Variants in MITF observed in about 807,000 individuals in gnomAD.
MITF encodes microphthalmia-associated transcription factor.
Under a neutral mutation model 60.5 loss-of-function variants are expected in MITF, and 17 were observed. The ratio of observed to expected loss-of-function variants is 0.28; its 90% CI spans 0.19 to 0.42. The LOEUF (loss-of-function observed/expected upper bound fraction) is 0.42. MITF is among the 10% of genes least tolerant of loss of function. The probability of loss-of-function intolerance (pLI) is 1.00; values close to 1 mark genes in which losing one functional copy is unlikely to be tolerated. For synonymous variants in MITF, 260 were observed against 248.5 expected (o/e 1.05, Z -0.43); for missense variants, 622 against 683.5 (o/e 0.91, Z 1.00).
chr3:69,792,108 A>G (rs1458883271), intron 1 of MITF, among the ~76,000 whole-genome samples: 1 of 152,166 alleles, frequency 6.6e-6, no homozygotes, highest in Non-Finnish European at 1.5e-5. Context: ...TTGAAAAGAG[A>G]TATGACTAGT....
chr3:69,967,762 G>C lies in MITF; in HGVS notation c.*2514G>C, dbSNP rs2066725437. 4.3e-6 allele frequency: 1 copy of C among 232,876 alleles called. No individual in the cohort carries two copies. Among genetic ancestry groups the C allele is most frequent in the Non-Finnish European group, 8.5e-6 (1 of 117,900 alleles). The allele number at this position is 232,876 out of a possible 1,614,324, so 14.4% of individuals were successfully genotyped here. A position where few individuals can be genotyped will look rare whatever the true frequency, so the allele number is the denominator to read the frequency against. The stretch of plus-strand genomic sequence containing the variant: ...GAGTGTGGATTCATTTCAGGGGCTA[G>C]CTAAGCCAAGAGGCAGTGGTTTGGG... On this transcript the variant is annotated 3_prime_UTR_variant, in exon 10 of 10. Coordinates refer to ENST00000352241, the MANE Select transcript of MITF (RefSeq NM_001354604.2).
At chr3:69,829,204 A>G (rs1161961463) in intron 1 of MITF, among the ~76,000 whole-genome samples, 1 of 152,166 alleles carries the variant, frequency 6.6e-6, no homozygotes, top group Non-Finnish European at 1.5e-5. Context: ...TATATAGTCT[A>G]TAAAAGTATC....
At chr3:69,853,982 T>G (rs1179792242) in intron 1 of MITF, among the ~76,000 whole-genome samples, 1 of 151,876 alleles carries the variant, frequency 6.6e-6, no homozygotes, top group Non-Finnish European at 1.5e-5. Flanking sequence ...TGCCAGTAGC[T>G]GGGATTACAG....
intron 1 of MITF, among the ~76,000 whole-genome samples, chr3:69,753,090 C>T (rs746310324): frequency 2.0e-5 from 3 of 152,186 alleles, no homozygotes; most frequent in African/African-American, 7.2e-5. Context: ...GGGACTGAGT[C>T]GTTTCCTGGG....
intron 1 of MITF, among the ~76,000 whole-genome samples, chr3:69,854,117 G>A (rs2063874386): frequency 6.6e-6 from 1 of 151,888 alleles, no homozygotes; most frequent in African/African-American, 2.4e-5. Context: ...CAAAGTGCTG[G>A]GATTACAGGC....
intron 5 of MITF, among the ~76,000 whole-genome samples, chr3:69,945,571 C>T (rs1184167681): frequency 6.6e-6 from 1 of 152,190 alleles, no homozygotes; most frequent in African/African-American, 2.4e-5. Context: ...CTAGGAGACA[C>T]ATTTTAAATT....
intron 2 of MITF, among the ~76,000 whole-genome samples, chr3:69,912,454 T>C (rs1465339651): frequency 6.6e-6 from 1 of 152,200 alleles, no homozygotes; most frequent in Non-Finnish European, 1.5e-5. Flanking sequence ...ATAAAAGTAA[T>C]GAGGCGCATC....
At position 69,779,700 on chromosome 3, in the gene MITF, TAATTAA is replaced by T. The variant is rs1056126934; in HGVS notation, c.104+40016_104+40021del. On this transcript the variant is annotated intron_variant, in intron 1 of 9. Coordinates refer to ENST00000352241, the MANE Select transcript of MITF (RefSeq NM_001354604.2). Reference sequence around the variant, plus strand: ...GAAATTGGGGGTCAAAAAATATATATAATTAAAATTAAAATTAAAATTTTCATTTTG... The same window carrying T: ...GAAATTGGGGGTCAAAAAATATATATAATTAAAATTAAAATTTTCATTTTG... Among the ~76,000 whole-genome samples, 3 of 152,182 alleles carry T rather than the reference TAATTAA, an allele frequency of 2.0e-5. 1 individual carries two copies. The highest frequency in any genetic ancestry group is 7.2e-5 in the African/African-American group (3 of 41,542).
At chr3:69,805,464 G>T (rs1003720348) in intron 1 of MITF, among the ~76,000 whole-genome samples, 10 of 108,822 alleles carry the variant, frequency 9.2e-5, no homozygotes, top group Admixed American at 7.5e-4. Flanking sequence ...CTGGTTTCTT[G>T]GGTTTTTTTG....
At chr3:69,861,813 C>T (rs946116561) in intron 1 of MITF, among the ~76,000 whole-genome samples, 2 of 152,058 alleles carry the variant, frequency 1.3e-5, no homozygotes, top group Admixed American at 1.3e-4. Flanking sequence ...GAGTGTGAGG[C>T]CATCTGGACA....
chr3:69,803,046 G>A (rs1254293544), intron 1 of MITF, among the ~76,000 whole-genome samples: 1 of 152,030 alleles, frequency 6.6e-6, no homozygotes, highest in African/African-American at 2.4e-5. Flanking sequence ...CAAAGTGCTG[G>A]GATTACAGGG....
chr3:69,777,915 A>C (rs2062500671), intron 1 of MITF, among the ~76,000 whole-genome samples: 1 of 152,066 alleles, frequency 6.6e-6, no homozygotes, highest in South Asian at 2.1e-4. Context: ...AAAGGTTTTA[A>C]GTGGGAGGGA....
chr3:69,841,622 A>G (rs943400273), intron 1 of MITF, among the ~76,000 whole-genome samples: 2 of 152,232 alleles, frequency 1.3e-5, no homozygotes, highest in Non-Finnish European at 1.5e-5. Flanking sequence ...GAATATTCTA[A>G]TTTGTATGTC....
At chr3:69,827,900 T>A (rs1205562533) in intron 1 of MITF, among the ~76,000 whole-genome samples, 1 of 152,120 alleles carries the variant, frequency 6.6e-6, no homozygotes, top group Non-Finnish European at 1.5e-5. Context: ...CTATGATAAA[T>A]GAGGAATCAA....
At chr3:69,907,657 G>A (rs1159031478) in intron 2 of MITF, among the ~76,000 whole-genome samples, 1 of 152,054 alleles carries the variant, frequency 6.6e-6, no homozygotes, top group Non-Finnish European at 1.5e-5. Flanking sequence ...GTCTATCCCT[G>A]GTAATTTTGA....
At chr3:69,882,788 T>C (rs1311304188) in intron 2 of MITF, among the ~76,000 whole-genome samples, 1 of 152,216 alleles carries the variant, frequency 6.6e-6, no homozygotes, top group African/African-American at 2.4e-5. Flanking sequence ...AGCATCTGTT[T>C]TCATAGTTTT....
chr3:69,779,249 C>A (rs546845396), intron 1 of MITF, among the ~76,000 whole-genome samples: 58 of 152,298 alleles, frequency 3.8e-4, no homozygotes, highest in African/African-American at 1.3e-3. Flanking sequence ...TCTTTAACTT[C>A]TCTGAACTGG....
chr3:69,814,818 C>T (rs968265331), intron 1 of MITF, among the ~76,000 whole-genome samples: 1 of 152,044 alleles, frequency 6.6e-6, no homozygotes, highest in Non-Finnish European at 1.5e-5. Flanking sequence ...TTGATTCTCC[C>T]GGCAACAAAG....
intron 1 of MITF, among the ~76,000 whole-genome samples, chr3:69,859,288 C>T (rs1486503979): frequency 6.6e-6 from 1 of 152,198 alleles, no homozygotes; most frequent in African/African-American, 2.4e-5. Flanking sequence ...TTTTGCACAC[C>T]AGTGACTTCC....
Sources: gnomAD v4.1 joint callset for allele counts (sites outside exome capture counted in the v4.1 genomes callset) on GRCh38, gnomAD v4.1.1 for gene constraint, MANE v1.5 for transcripts, NCBI Gene and HGNC (gene_info 2026-07-23, HGNC 2026-07-21) for gene names.